Variants in WWOX observed in about 807,000 individuals in gnomAD.
WWOX encodes WW domain-containing oxidoreductase.
In WWOX, 69 loss-of-function variants were observed where a neutral mutation model predicts 46.2. The observed-to-expected ratio is 1.49, with a 90% CI of 1.23 to 1.82. WWOX has a LOEUF of 1.82. Ranked by LOEUF, WWOX falls within the 40% of genes most tolerant of loss-of-function variation. The probability of loss-of-function intolerance (pLI) is 0.00; values close to 1 mark genes in which losing one functional copy is unlikely to be tolerated. For missense variants in WWOX, 919 were observed against 542.6 expected, an observed-to-expected ratio of 1.69 and a Z score of -6.89; for synonymous variants, 359 against 202.6, an observed-to-expected ratio of 1.77 and a Z score of -6.56.
chr16:78,121,739 G>C (rs943484151), intron 4 of WWOX, among the ~76,000 whole-genome samples: 13 of 151,342 alleles, frequency 8.6e-5, no homozygotes, highest in Non-Finnish European at 1.5e-4. Flanking sequence ...TCAGCTCACT[G>C]CAACCTTTGT....
intron 8 of WWOX, among the ~76,000 whole-genome samples, chr16:78,809,134 G>A (rs562980909): frequency 2.0e-5 from 3 of 151,950 alleles, no homozygotes; most frequent in African/African-American, 7.2e-5. Context: ...TTCTCCCCCT[G>A]CACCCTTCTC....
chr16:78,999,428 C>G (rs1297276652), intron 8 of WWOX, among the ~76,000 whole-genome samples: 1 of 152,132 alleles, frequency 6.6e-6, no homozygotes. Flanking sequence ...CGAGATTGCA[C>G]CATTGCACTC....
At chr16:78,436,393 T>A (rs963521890) in intron 8 of WWOX, among the ~76,000 whole-genome samples, 1 of 152,202 alleles carries the variant, frequency 6.6e-6, no homozygotes, top group African/African-American at 2.4e-5. Context: ...GTGTGGACTT[T>A]TCTTGTTTCT....
intron 8 of WWOX, among the ~76,000 whole-genome samples, chr16:79,013,096 C>T (rs915169646): frequency 7.9e-5 from 12 of 152,280 alleles, no homozygotes; most frequent in East Asian, 1.9e-4. Context: ...TACCAGTGAG[C>T]AGGAAGTTGG....
chr16:78,499,454 C>G (rs1030924441), intron 8 of WWOX, among the ~76,000 whole-genome samples: 3 of 152,188 alleles, frequency 2.0e-5, no homozygotes, highest in South Asian at 2.1e-4. Context: ...CATAGCTAAC[C>G]TTTCTAAGTG....
chr16:78,369,480 AG>A (rs1211967652), intron 5 of WWOX, among the ~76,000 whole-genome samples: 1 of 152,184 alleles, frequency 6.6e-6, no homozygotes, highest in Non-Finnish European at 1.5e-5. Flanking sequence ...AGCAACTGGT[AG>A]GGTCGAGTCT....
At chr16:78,365,267 A>T (rs2151916438) in intron 5 of WWOX, among the ~76,000 whole-genome samples, 1 of 152,280 alleles carries the variant, frequency 6.6e-6, no homozygotes, top group Admixed American at 6.5e-5. Context: ...TCTCCAACGC[A>T]TCCATGGAAG....
At chr16:78,697,522 T>A (rs2142284742) in intron 8 of WWOX, among the ~76,000 whole-genome samples, 1 of 152,262 alleles carries the variant, frequency 6.6e-6, no homozygotes, top group East Asian at 1.9e-4. Flanking sequence ...CAAGGACTAA[T>A]ATCCAGGATC....
chr16:78,701,109 G>A (rs1167810690), intron 8 of WWOX, among the ~76,000 whole-genome samples: 1 of 152,112 alleles, frequency 6.6e-6, no homozygotes, highest in Non-Finnish European at 1.5e-5. Flanking sequence ...GCTAGTGATA[G>A]TTACCTCACA....
In WWOX at chr16:78,954,707, G is replaced by A. The variant is rs1355097689; in HGVS notation, c.1057-256901G>A. Among the ~76,000 whole-genome samples, 5 of 152,130 alleles carry A rather than the reference G, an allele frequency of 3.3e-5. No homozygotes were observed. The East Asian group carries it at 9.6e-4, about 29-fold the overall frequency. On this transcript the variant is annotated intron_variant, in intron 8 of 8. Transcript: ENST00000566780. ...CCTGTAATGGGAGTCTAGGGTGAGG[G>A]GTGGTGGGTGCCATAATAAAAATTA...
intron 8 of WWOX, among the ~76,000 whole-genome samples, chr16:78,971,102 A>G (rs913225531): frequency 6.6e-6 from 1 of 152,058 alleles, no homozygotes; most frequent in African/African-American, 2.4e-5. Flanking sequence ...TATATATATC[A>G]GGTAAGATTC....
At chr16:78,542,710 C>G (rs1401622790) in intron 8 of WWOX, among the ~76,000 whole-genome samples, 3 of 152,210 alleles carry the variant, frequency 2.0e-5, no homozygotes, top group Non-Finnish European at 4.4e-5. Context: ...ATTCTTCTAT[C>G]AGCCCTCTAA....
At chr16:79,175,920 A>T (rs1029424440) in intron 8 of WWOX, among the ~76,000 whole-genome samples, 1 of 152,050 alleles carries the variant, frequency 6.6e-6, no homozygotes, top group African/African-American at 2.4e-5. Context: ...TCATGCTGTA[A>T]TCTCTACCTG....
At chr16:78,798,193 C>G (rs146338696) in intron 8 of WWOX, among the ~76,000 whole-genome samples, 1 of 152,056 alleles carries the variant, frequency 6.6e-6, no homozygotes, top group Non-Finnish European at 1.5e-5. Context: ...TTTGCCACAA[C>G]GTGAGCAAGA....
chr16:78,925,413 T>A (rs927655074), intron 8 of WWOX, among the ~76,000 whole-genome samples: 5 of 152,148 alleles, frequency 3.3e-5, no homozygotes, highest in African/African-American at 1.2e-4. Context: ...GCAAAATATG[T>A]CCACGAAGTT....
At chr16:78,102,898 C>G (rs753585148) in intron 1 of WWOX, among the ~76,000 whole-genome samples, 9 of 152,308 alleles carry the variant, frequency 5.9e-5, no homozygotes, top group Middle Eastern at 3.4e-3. Context: ...GTGGGTGGTG[C>G]ACTGGGCCCC....
rs144991937 is a variant in WWOX, at chr16:78,523,750, C to T, written c.1056+90998C>T. Among the ~76,000 whole-genome samples the T allele has an allele frequency of 1.5e-3, 234 of 152,262 alleles. 2 individuals are homozygous for T. Among genetic ancestry groups the T allele is most frequent in the African/African-American group, 5.4e-3 (225 of 41,554 alleles). ...TCCGTTTTCCCGCATACATGATGTC[C>T]AGCACAACGTCTGATTTATGAGAGC... On this transcript the variant is annotated intron_variant, in intron 8 of 8. Transcript: ENST00000566780.
chr16:78,633,469 C>T (rs1404133347), intron 8 of WWOX, among the ~76,000 whole-genome samples: 4 of 152,196 alleles, frequency 2.6e-5, no homozygotes, highest in Non-Finnish European at 5.9e-5. Context: ...GACTTTAAAA[C>T]AGAACCACGA....
intron 8 of WWOX, among the ~76,000 whole-genome samples, chr16:79,082,763 T>C (rs2048784641): frequency 6.6e-6 from 1 of 152,134 alleles, no homozygotes; most frequent in Non-Finnish European, 1.5e-5. Context: ...AAGGGACGTG[T>C]AGGGAAGATG....
Sources: allele counts gnomAD v4.1 joint callset (sites outside exome capture counted in the v4.1 genomes callset), GRCh38; gene constraint gnomAD v4.1.1; transcripts MANE v1.5; gene names NCBI Gene and HGNC (gene_info 2026-07-23, HGNC 2026-07-21).